TSC22D1: variants seen among roughly 807,000 people sequenced by gnomAD.
TSC22D1 encodes the protein TSC22 domain family member 1.
Under a neutral mutation model 74.2 loss-of-function variants are expected in TSC22D1, and 9 were observed. The ratio of observed to expected loss-of-function variants is 0.12; its 90% CI spans 0.07 to 0.21. TSC22D1 has a LOEUF of 0.21. Ranked by LOEUF, TSC22D1 falls within the 10% of genes least tolerant of loss-of-function variation. The pLI is 1.00. For missense variants in TSC22D1, 1,427 were observed against 1,304.7 expected (o/e 1.09, Z -1.44); for synonymous variants, 586 against 492.5 (o/e 1.19, Z -2.51).
intron 1 of TSC22D1, among the ~76,000 whole-genome samples, chr13:44,493,359 C>A (rs1347943169): frequency 1.3e-5 from 2 of 152,176 alleles, no homozygotes; most frequent in Non-Finnish European, 2.9e-5. Context: ...AACCTTCAGG[C>A]CTGACAAAAG....
intron 1 of TSC22D1, among the ~76,000 whole-genome samples, chr13:44,490,574 G>T (rs1878651762): frequency 1.3e-5 from 2 of 152,128 alleles, no homozygotes; most frequent in African/African-American, 4.8e-5. Context: ...GGTAATAAAA[G>T]ATGTCTTAAA....
chr13:44,486,981 A>G (rs1308067120), intron 1 of TSC22D1, among the ~76,000 whole-genome samples: 2 of 152,204 alleles, frequency 1.3e-5, no homozygotes, highest in Non-Finnish European at 2.9e-5. Flanking sequence ...AATGCTTACA[A>G]TAAGGTAGAG....
intron 1 of TSC22D1, among the ~76,000 whole-genome samples, chr13:44,562,607 T>C (rs1387133209): frequency 6.6e-6 from 1 of 152,054 alleles, no homozygotes; most frequent in East Asian, 1.9e-4. Flanking sequence ...AAAAAATAAT[T>C]CCTCCTCTCT....
chr13:44,493,606 T>C (rs1878822322), intron 1 of TSC22D1, among the ~76,000 whole-genome samples: 1 of 152,180 alleles, frequency 6.6e-6, no homozygotes, highest in Non-Finnish European at 1.5e-5. Flanking sequence ...GCCATATGCA[T>C]GCCCGTGGTA....
chr13:44,531,637 T>C (rs553955060), intron 1 of TSC22D1, among the ~76,000 whole-genome samples: 8 of 152,328 alleles, frequency 5.3e-5, no homozygotes, highest in Non-Finnish European at 1.0e-4. Flanking sequence ...ATATCCTAAC[T>C]CAACCAGTGT....
chr13:44,573,738 A>G lies in TSC22D1; in HGVS notation c.2337T>C (p.Thr779=). ...ATTGTTGAGGAAGGCTTGGAGCACT[A>G]GTTTGAACTCCCTGATGAATAATCC... The part of the protein sequence containing the change: ...QTGIIHQGVQ[T]SAPSLPQQLV... The change falls in exon 1 of 3, where the codon ACT becomes ACC. Residue 779 remains threonine, a synonymous_variant. Transcript: ENST00000458659. The G allele has an allele frequency of 6.2e-7, 1 of 1,614,218 alleles. No homozygotes were observed. Among genetic ancestry groups the G allele is most frequent in the Middle Eastern group, 1.6e-4 (1 of 6,062 alleles).
At chr13:44,521,161 T>C (rs1445470581) in intron 1 of TSC22D1, among the ~76,000 whole-genome samples, 4 of 152,168 alleles carry the variant, frequency 2.6e-5, no homozygotes, top group Non-Finnish European at 4.4e-5. Context: ...TCAATACAGA[T>C]GGATGGTTTC....
At chr13:44,568,947 T>C (rs889096578) in intron 1 of TSC22D1, among the ~76,000 whole-genome samples, 1 of 152,014 alleles carries the variant, frequency 6.6e-6, no homozygotes, top group Admixed American at 6.6e-5. Flanking sequence ...ATAATCAATA[T>C]TGATAACTAC....
intron 1 of TSC22D1, among the ~76,000 whole-genome samples, chr13:44,548,812 C>T (rs1228113686): frequency 6.6e-6 from 1 of 152,058 alleles, no homozygotes; most frequent in Non-Finnish European, 1.5e-5. Context: ...TTTTTTCTAA[C>T]TAGAATTTCT....
At chr13:44,520,514 G>A (rs1239211597) in intron 1 of TSC22D1, among the ~76,000 whole-genome samples, 3 of 152,104 alleles carry the variant, frequency 2.0e-5, no homozygotes, top group African/African-American at 7.2e-5. Flanking sequence ...AGGAAGCATG[G>A]GGAAGTAGCT....
At chr13:44,544,338 G>A (rs148928862) in intron 1 of TSC22D1, among the ~76,000 whole-genome samples, 163 of 148,824 alleles carry the variant, frequency 1.1e-3, no homozygotes, top group African/African-American at 3.7e-3. Context: ...GATCTTACCC[G>A]ATAACAAAAC....
At chr13:44,500,426 T>C in intron 1 of TSC22D1, among the ~76,000 whole-genome samples, 1 of 152,204 alleles carries the variant, frequency 6.6e-6, no homozygotes, top group East Asian at 1.9e-4. Context: ...CTTGTGTTCA[T>C]TCTTAGTTGA....
chr13:44,445,003 T>C (rs1328423595), intron 1 of TSC22D1, among the ~76,000 whole-genome samples: 1 of 152,066 alleles, frequency 6.6e-6, no homozygotes, highest in East Asian at 1.9e-4. Flanking sequence ...AGAAATAATA[T>C]CAATTCTATA....
intron 1 of TSC22D1, among the ~76,000 whole-genome samples, chr13:44,559,967 C>G (rs887088894): frequency 3.3e-5 from 5 of 151,990 alleles, no homozygotes; most frequent in Admixed American, 3.3e-4. Context: ...GCTGGGATTA[C>G]AGGTGTGAGC....
intron 1 of TSC22D1, among the ~76,000 whole-genome samples, chr13:44,568,355 C>T (rs1339724390): frequency 6.6e-6 from 1 of 152,068 alleles, no homozygotes; most frequent in Non-Finnish European, 1.5e-5. Context: ...TTGGAACATC[C>T]TAAGAGGCAT....
chr13:44,573,061 A>T (rs1242351768), intron 1 of TSC22D1, 102 bp downstream of exon 1: 1 of 1,454,264 alleles, frequency 6.9e-7, no homozygotes, highest in African/African-American at 1.4e-5. Flanking sequence ...CATACAAAAC[A>T]CAATATACAA....
intron 1 of TSC22D1, among the ~76,000 whole-genome samples, chr13:44,494,433 C>T (rs1042734191): frequency 4.5e-5 from 6 of 133,312 alleles, no homozygotes; most frequent in African/African-American, 1.7e-4. Context: ...TAGCACATAC[C>T]TGTGGTCCCA....
chr13:44,540,051 T>TA, intron 1 of TSC22D1: 1 of 560,612 alleles, frequency 1.8e-6, no homozygotes, highest in Non-Finnish European at 2.8e-6. Context: ...CATACTTTCT[T>TA]TAGTGCCTTC....
At chr13:44,563,258 T>G (rs1308437370) in intron 1 of TSC22D1, among the ~76,000 whole-genome samples, 2 of 152,188 alleles carry the variant, frequency 1.3e-5, no homozygotes, top group Non-Finnish European at 2.9e-5. Context: ...AGAATTAACA[T>G]ATTGCTTTGA....
Sources: allele counts gnomAD v4.1 joint callset (sites outside exome capture counted in the v4.1 genomes callset), GRCh38; gene constraint gnomAD v4.1.1; transcripts MANE v1.5; gene names NCBI Gene and HGNC (gene_info 2026-07-23, HGNC 2026-07-21).